The following FAM177A1 variants were observed in gnomAD, a reference collection of about 807,000 sequenced individuals.
The protein encoded by FAM177A1 is family with sequence similarity 177 member A1.
FAM177A1 carries 22 observed loss-of-function variants against 26.1 expected under a neutral mutation model. The ratio of observed to expected loss-of-function variants is 0.84; its 90% confidence interval spans 0.60 to 1.20. The LOEUF (loss-of-function observed/expected upper bound fraction) is 1.20. Among genes scored for constraint, FAM177A1 ranks in the 50% most tolerant of loss-of-function variants. FAM177A1 has a pLI of 0.00. For synonymous variants in FAM177A1, 95 were observed against 99.3 expected (o/e 0.96, Z 0.26); for missense variants, 296 against 291.1 (o/e 1.02, Z -0.12).
intron 2 of FAM177A1, among the ~76,000 whole-genome samples, chr14:35,075,325 C>G (rs991232049): frequency 2.0e-5 from 3 of 152,154 alleles, no homozygotes; most frequent in African/African-American, 7.2e-5. Flanking sequence ...TTTTTTAAGA[C>G]TTAAAGAAGG....
At chr14:35,077,245 A>G (rs2045410203) in intron 3 of FAM177A1, 29 bp downstream of exon 3, 5 of 1,597,366 alleles carry the variant, frequency 3.1e-6, no homozygotes, top group African/African-American at 1.3e-5. Flanking sequence ...AATATTGTAT[A>G]ATTGCTGTAA....
At chr14:35,059,535 CTTT>C (rs767772869) in intron 2 of FAM177A1, among the ~76,000 whole-genome samples, 10 of 120,446 alleles carry the variant, frequency 8.3e-5, no homozygotes, top group African/African-American at 2.4e-4. Flanking sequence ...ATTTACATTT[CTTT>C]TTTTTTTTTT....
chr14:35,075,694 T>C (rs901092304), intron 2 of FAM177A1, among the ~76,000 whole-genome samples: 9 of 152,186 alleles, frequency 5.9e-5, no homozygotes, highest in African/African-American at 1.7e-4. Flanking sequence ...TTTTACAATC[T>C]ACTAATCTGA....
At position 35,081,513 on chromosome 14, in the gene FAM177A1, G is replaced by T; in HGVS notation, c.*285G>T. ...ATCCTAGAGCCTTAATAGTTAAGAA[G>T]AGTTAAATTATCAAGCCTATTTGTG... On this transcript the variant is annotated 3_prime_UTR_variant, in exon 5 of 5. Transcript: ENST00000280987. The T allele has an allele frequency of 4.6e-6, 1 of 216,490 alleles. No individual in the cohort carries two copies. The highest frequency in any genetic ancestry group is 9.0e-6 in the Non-Finnish European group (1 of 111,424). The allele number at this position is 216,490 out of a possible 1,614,324, so 13.4% of individuals were successfully genotyped here.
intron 4 of FAM177A1, among the ~76,000 whole-genome samples, chr14:35,080,116 C>G (rs745373765): frequency 4.0e-5 from 6 of 151,804 alleles, no homozygotes; most frequent in Non-Finnish European, 8.8e-5. Context: ...ACTGACTACC[C>G]GTTCTGCAGG....
chr14:35,050,823 G>A (rs2044955117), intron 1 of FAM177A1: 1 of 152,208 alleles, frequency 6.6e-6, no homozygotes. Flanking sequence ...TGGTCCAAAA[G>A]GAAACGTTGA....
At chr14:35,080,244 A>G (rs371958989) in intron 4 of FAM177A1, among the ~76,000 whole-genome samples, 15 of 152,142 alleles carry the variant, frequency 9.9e-5, no homozygotes, top group African/African-American at 2.7e-4. Flanking sequence ...TAACTTCCCT[A>G]CTAAGTTGTA....
chr14:35,061,012 G>C (rs2045143628), intron 2 of FAM177A1, among the ~76,000 whole-genome samples: 1 of 151,966 alleles, frequency 6.6e-6, no homozygotes, highest in South Asian at 2.1e-4. Flanking sequence ...TCTATTATTA[G>C]CTATTGTTAA....
At chr14:35,049,801 G>C (rs2044934812) in intron 1 of FAM177A1, among the ~76,000 whole-genome samples, 1 of 152,066 alleles carries the variant, frequency 6.6e-6, no homozygotes, top group African/African-American at 2.4e-5. Flanking sequence ...GAAAAAAACA[G>C]ATCCTGAGAA....
intron 1 of FAM177A1, 46 bp from the exon 2 acceptor site, chr14:35,053,232 A>G (rs1310492270): frequency 2.6e-6 from 4 of 1,540,808 alleles, no homozygotes; most frequent in Middle Eastern, 3.5e-4. Context: ...ATGAAAGAAA[A>G]TTAATCTCAC....
chr14:35,046,368 A>G lies in FAM177A1; in HGVS notation c.-96A>G. ...TCAGGCCGGCGAGTCCCCTTCTCAG[A>G]GACTTGGCTAGGCGCGGCGCGAGGC... On this transcript the variant is annotated 5_prime_UTR_variant, in exon 1 of 5. Transcript: ENST00000280987. The G allele has an allele frequency of 7.5e-7, 1 of 1,340,534 alleles. No individual in the cohort carries two copies. The highest frequency in any genetic ancestry group is 1.7e-5 in the South Asian group (1 of 60,598). The allele number at this position is 1,340,534 out of a possible 1,614,324, so 83.0% of individuals were successfully genotyped here.
At chr14:35,064,012 T>G (rs990179348) in intron 2 of FAM177A1, among the ~76,000 whole-genome samples, 5 of 136,190 alleles carry the variant, frequency 3.7e-5, no homozygotes, top group Non-Finnish European at 6.2e-5. Flanking sequence ...CACCCTACTG[T>G]GCTCCAGCCT....
At chr14:35,057,763 T>A (rs1001224359) in intron 2 of FAM177A1, among the ~76,000 whole-genome samples, 1 of 152,166 alleles carries the variant, frequency 6.6e-6, no homozygotes, top group African/African-American at 2.4e-5. Flanking sequence ...AGAAGTACAT[T>A]TTTTACTTCC....
Position 35,078,942 on chromosome 14 carries a change from G to T in FAM177A1, c.422G>T (p.Gly141Val). 6.5e-7 allele frequency: 1 copy of T among 1,541,158 alleles called. No individual in the cohort carries two copies. The highest frequency in any genetic ancestry group is 2.5e-5 in the East Asian group (1 of 40,092). ...GTATTTTCAGTGTGTGACTTCCTTG[G>T]AGAGAAGATTGCATCTGTTTTGGGT... ...TSTLSVCDFL[G>V]EKIASVLGIS... Residue 141 changes from glycine to valine, a missense_variant, in exon 4 of 5, where the codon GGA becomes GTA. By Grantham distance (109) the Gly-to-Val change is moderately radical (BLOSUM62 -3). Coordinates refer to ENST00000280987, the MANE Select transcript of FAM177A1 (RefSeq NM_173607.5).
At chr14:35,049,916 C>G (rs2044936331) in intron 1 of FAM177A1, 1 of 152,114 alleles carries the variant, frequency 6.6e-6, no homozygotes, top group African/African-American at 2.4e-5. Flanking sequence ...TCTTTCAGAT[C>G]TTTGGGGTTC....
At chr14:35,061,015 A>G (rs1392561815) in intron 2 of FAM177A1, among the ~76,000 whole-genome samples, 1 of 152,098 alleles carries the variant, frequency 6.6e-6, no homozygotes, top group Non-Finnish European at 1.5e-5. Flanking sequence ...ATTATTAGCT[A>G]TTGTTAATCT....
chr14:35,072,289 G>A (rs1214701566), intron 2 of FAM177A1, among the ~76,000 whole-genome samples: 1 of 151,774 alleles, frequency 6.6e-6, no homozygotes, highest in Non-Finnish European at 1.5e-5. Context: ...AAGGGGAAAG[G>A]AAAGGAAAAA....
intron 4 of FAM177A1, among the ~76,000 whole-genome samples, chr14:35,080,481 G>GCC (rs2045463736): frequency 6.6e-6 from 1 of 152,190 alleles, no homozygotes; most frequent in Non-Finnish European, 1.5e-5. Flanking sequence ...TCTACGTGAT[G>GCC]TAGTGCTGGA....
Position 35,081,091 on chromosome 14 carries a change from C to T in FAM177A1, c.574C>T (p.Gln192Ter). 1 of 1,613,224 alleles carries T rather than the reference C, an allele frequency of 6.2e-7. No homozygotes were observed. The highest frequency in any genetic ancestry group is 8.5e-7 in the Non-Finnish European group (1 of 1,179,718). Residue 192 changes from glutamine to a stop codon, truncating the protein, a stop_gained, in exon 5 of 5, where the codon CAG (glutamine) becomes TAG (stop). Transcript: ENST00000280987. LOFTEE classifies it high-confidence loss of function. The stretch of plus-strand genomic sequence containing the variant: ...AAAACAATATCAACAGAATAAATTG[C>T]AGACTGATTCCATTGTTCAGACAGA... ...AEKQYQQNKL[Q>*]TDSIVQTDQP...
Sources: allele counts gnomAD v4.1 joint callset (sites outside exome capture counted in the v4.1 genomes callset), GRCh38; gene constraint gnomAD v4.1.1; transcripts MANE v1.5; gene names NCBI Gene and HGNC (gene_info 2026-07-23, HGNC 2026-07-21).